The following TLK1 variants were observed in gnomAD, a reference collection of about 807,000 sequenced individuals.
The protein encoded by TLK1 is tousled like kinase 1.
In TLK1, 24 loss-of-function variants were observed where a neutral mutation model predicts 105.3. That is an observed-to-expected ratio of 0.23 (90% CI 0.17 to 0.32). The LOEUF (loss-of-function observed/expected upper bound fraction) is 0.32, where lower values mean the gene tolerates loss of function less well. Ranked by LOEUF, TLK1 falls within the 10% of genes least tolerant of loss-of-function variation. The pLI is 1.00. For synonymous variants in TLK1, 321 were observed against 310.4 expected (o/e 1.03, Z -0.36); for missense variants, 558 against 910.5 (o/e 0.61, Z 4.98).
chr2:171,089,571 C>G (rs1689135149), intron 2 of TLK1, among the ~76,000 whole-genome samples: 1 of 152,176 alleles, frequency 6.6e-6, no homozygotes. Flanking sequence ...TGTCATAGAT[C>G]AAGTTACTAT....
At chr2:171,132,181 G>T (rs1691129345) in intron 1 of TLK1, among the ~76,000 whole-genome samples, 1 of 152,136 alleles carries the variant, frequency 6.6e-6, no homozygotes. Flanking sequence ...ATGGCCAAAG[G>T]CACCTCTTCA....
In TLK1 at chr2:171,029,741, T is replaced by C. The variant is rs927529261; in HGVS notation, c.1170-1336A>G. On this transcript the variant is annotated intron_variant, in intron 11 of 20. Transcript: ENST00000431350. Reference sequence around the variant, plus strand: ...TGACTTTGAAAAGTAATCAGTTTAATGTATGCAGAACTACAACAAGGCTTA... The same window carrying C: ...TGACTTTGAAAAGTAATCAGTTTAACGTATGCAGAACTACAACAAGGCTTA... 8.5e-5 allele frequency among the ~76,000 whole-genome samples: 13 copies of C among 152,322 alleles called. No homozygotes were observed. In the East Asian group the frequency reaches 9.6e-4, roughly 11 times the overall value.
upstream of TLK1, among the ~76,000 whole-genome samples, chr2:171,162,267 C>T (rs1692522693): frequency 6.6e-6 from 1 of 152,182 alleles, no homozygotes; most frequent in East Asian, 1.9e-4. Flanking sequence ...TGGCCAGGTG[C>T]GGTGGCTCAC....
At chr2:171,011,670 T>C (rs1028072242) in intron 13 of TLK1, among the ~76,000 whole-genome samples, 3 of 152,204 alleles carry the variant, frequency 2.0e-5, no homozygotes, top group Non-Finnish European at 4.4e-5. Context: ...AAAACTTTTA[T>C]AGCTCAATAT....
chr2:171,007,580 T>G (rs979303700), intron 14 of TLK1, among the ~76,000 whole-genome samples: 4 of 152,088 alleles, frequency 2.6e-5, no homozygotes, highest in Admixed American at 6.6e-5. Context: ...ACAAGTAGAC[T>G]ACTATAATGT....
intron 2 of TLK1, among the ~76,000 whole-genome samples, chr2:171,102,524 G>A (rs993149336): frequency 1.3e-5 from 2 of 152,040 alleles, no homozygotes; most frequent in African/African-American, 2.4e-5. Flanking sequence ...TCAGGGTCTG[G>A]TAAGTAAATA....
At chr2:171,028,600 C>A (rs779866190) in intron 11 of TLK1, among the ~76,000 whole-genome samples, 195 bp from the exon 12 acceptor site, 25 of 152,138 alleles carry the variant, frequency 1.6e-4, no homozygotes, top group Non-Finnish European at 2.6e-4. Flanking sequence ...ACTAATTCTA[C>A]AATGCTTTAA....
intron 12 of TLK1, among the ~76,000 whole-genome samples, chr2:171,027,601 T>C (rs1361309550): frequency 6.6e-6 from 1 of 152,122 alleles, no homozygotes; most frequent in African/African-American, 2.4e-5. Context: ...ATGCAACAAA[T>C]TAAAAGATAA....
chr2:171,193,910 G>A (rs2105315655), intron 1 of TLK1, among the ~76,000 whole-genome samples: 1 of 151,956 alleles, frequency 6.6e-6, no homozygotes, highest in Admixed American at 6.6e-5. Context: ...AGTGAAGACA[G>A]GGTTTCACCA....
Position 171,011,468 on chromosome 2 carries a change from G to C in TLK1, c.1335-14C>G, listed in dbSNP as rs1223393584. ...TGATCTTTGAACCTTAGAGGTGGGG[G>C]CAAAAAACAGACATATTAAAACACA... On this transcript the variant is annotated splice_polypyrimidine_tract_variant and intron_variant, in intron 13 of 20. Coordinates refer to ENST00000431350, the MANE Select transcript of TLK1 (RefSeq NM_012290.5). 1 of 1,598,828 alleles carries C rather than the reference G, an allele frequency of 6.3e-7. No individual in the cohort carries two copies. Among genetic ancestry groups the C allele is most frequent in the Admixed American group, 1.7e-5 (1 of 57,402 alleles).
chr2:171,118,218 AAAAG>A (rs1184752100), intron 1 of TLK1, among the ~76,000 whole-genome samples: 1 of 152,182 alleles, frequency 6.6e-6, no homozygotes, highest in Non-Finnish European at 1.5e-5. Context: ...GTCCACTTAA[AAAAG>A]AGTGAGGTGA....
intron 1 of TLK1, among the ~76,000 whole-genome samples, chr2:171,128,767 CAT>C (rs1690974568): frequency 6.6e-6 from 1 of 152,054 alleles, no homozygotes; most frequent in South Asian, 2.1e-4. Context: ...TATATATACA[CAT>C]ACATACAAAT....
At chr2:171,205,490 T>C (rs973330703) in intron 1 of TLK1, among the ~76,000 whole-genome samples, 15 of 152,040 alleles carry the variant, frequency 9.9e-5, no homozygotes, top group African/African-American at 3.1e-4. Context: ...ACCCATCTAA[T>C]TTTTGTATTT....
At chr2:171,059,772 C>T (rs1432892432) in intron 4 of TLK1, among the ~76,000 whole-genome samples, 1 of 152,158 alleles carries the variant, frequency 6.6e-6, no homozygotes, top group Non-Finnish European at 1.5e-5. Context: ...CTCAGATCAT[C>T]AGGCATTAGA....
intron 1 of TLK1, among the ~76,000 whole-genome samples, chr2:171,146,063 A>AT (rs1453098494): frequency 7.2e-5 from 11 of 152,328 alleles, no homozygotes; most frequent in Non-Finnish European, 1.5e-4. Context: ...AATATGAAAG[A>AT]TAAAATATAT....
intron 3 of TLK1, among the ~76,000 whole-genome samples, chr2:171,076,451 A>G (rs1268132196): frequency 6.6e-6 from 1 of 152,084 alleles, no homozygotes; most frequent in Non-Finnish European, 1.5e-5. Context: ...TGGACCCAAG[A>G]GCCAAATAAA....
At chr2:171,086,733 C>T (rs893738166) in intron 2 of TLK1, among the ~76,000 whole-genome samples, 1 of 151,970 alleles carries the variant, frequency 6.6e-6, no homozygotes, top group Non-Finnish European at 1.5e-5. Flanking sequence ...GGGAAGGTCC[C>T]GGAGATCAGA....
chr2:171,230,148 T>G (rs1228884825), intron 1 of TLK1, among the ~76,000 whole-genome samples: 1 of 152,210 alleles, frequency 6.6e-6, no homozygotes, highest in Non-Finnish European at 1.5e-5. Flanking sequence ...CAAAATACAT[T>G]AAATGACACT....
intron 1 of TLK1, among the ~76,000 whole-genome samples, chr2:171,131,328 C>T (rs935825813): frequency 1.3e-5 from 2 of 152,120 alleles, no homozygotes; most frequent in Admixed American, 1.3e-4. Flanking sequence ...ATAATCAGAT[C>T]CCCTAGTGTC....
Sources: gnomAD v4.1 joint callset for allele counts (sites outside exome capture counted in the v4.1 genomes callset) on GRCh38, gnomAD v4.1.1 for gene constraint, MANE v1.5 for transcripts, NCBI Gene and HGNC (gene_info 2026-07-23, HGNC 2026-07-21) for gene names.